The following VPS13D variants were observed in gnomAD, a reference collection of about 807,000 sequenced individuals.
VPS13D encodes vacuolar protein sorting 13 homolog D.
VPS13D carries 187 observed loss-of-function variants against 461.9 expected under a neutral mutation model. That is an observed-to-expected ratio of 0.40 (90% CI 0.36 to 0.46). VPS13D has a LOEUF of 0.46. Among genes scored for constraint, VPS13D ranks in the 20% least tolerant of loss-of-function variants. The pLI is 0.60. For synonymous variants in VPS13D, 1,951 were observed against 1,986.3 expected (o/e 0.98, Z 0.47); for missense variants, 4,711 against 5,364.9 (o/e 0.88, Z 3.81).
In VPS13D at chr1:12,249,288, T is replaced by C; in HGVS notation, c.513T>C (p.Ala171=). Residue 171 remains alanine, a synonymous_variant, in exon 6 of 70, where the codon GCT becomes GCC. Coordinates refer to ENST00000620676, the MANE Select transcript of VPS13D (RefSeq NM_015378.4). The part of the protein sequence containing the change: ...DGVTNPSHPF[A]FGICIKNVSM... ...TCACCAATCCCTCCCATCCTTTTGC[T>C]TTTGGCATCTGCATTAAGAATGTGT... 1.2e-6 allele frequency: 2 copies of C among 1,614,112 alleles called. No homozygotes were observed. The highest frequency in any genetic ancestry group is 1.7e-6 in the Non-Finnish European group (2 of 1,180,008).
At position 12,505,718 on chromosome 1, in the gene VPS13D, G is replaced by A. The variant is rs552680333; in HGVS notation, c.12795-1135G>A. Among the ~76,000 whole-genome samples, 47 of 152,394 alleles carry A rather than the reference G, an allele frequency of 3.1e-4. No homozygotes were observed. The highest frequency in any genetic ancestry group is 1.1e-3 in the African/African-American group (46 of 41,592). On this transcript the variant is annotated intron_variant, in intron 68 of 69. Transcript: ENST00000620676. The surrounding 1 kb of genome is among the most constrained non-coding windows in gnomAD (Gnocchi z 4.2). ...TCACAATTAAATGCTCAAAAGTGGA[G>A]GAGGGGCTGGAGTATGTGGGGGATG...
chr1:12,338,414 C>T lies in VPS13D; in HGVS notation c.8626+109C>T, dbSNP rs771650452. 1.1e-4 allele frequency: 100 copies of T among 899,134 alleles called. 1 individual carries two copies. The highest frequency in any genetic ancestry group is 2.3e-4 in the Middle Eastern group (1 of 4,318). The allele number at this position is 899,134 out of a possible 1,614,324, so 55.7% of individuals were successfully genotyped here. A position where few individuals can be genotyped will look rare whatever the true frequency, so the allele number is the denominator to read the frequency against. ...GAGTTGAATTGGGGGTATTCCATGTCGTGAGTACTTTAGTAATAGGAAAGA... is the reference window on the plus strand; with the variant it reads ...GAGTTGAATTGGGGGTATTCCATGTTGTGAGTACTTTAGTAATAGGAAAGA... On this transcript the variant is annotated intron_variant, in intron 40 of 69. Transcript: ENST00000620676.
rs58476786 is a variant in VPS13D at position 12,395,996 on chromosome 1, GATATATATAT to G, written c.11635-4161_11635-4152del. Among the ~76,000 whole-genome samples, 174 of 73,772 alleles carry G rather than the reference GATATATATAT, an allele frequency of 2.4e-3. 3 individuals are homozygous for G. The highest frequency in any genetic ancestry group is 4.1e-3 in the African/African-American group (59 of 14,548). The allele number at this position is 73,772 out of a possible 152,430, so 48.4% of individuals were successfully genotyped here. On this transcript the variant is annotated intron_variant, in intron 60 of 69. Transcript: ENST00000620676. ...TCTTAGAGGGATAGAACTAATAGGA[GATATATATAT>G]ATATATATATATATATATATATAGT...
At chr1:12,412,717 T>A (rs149092647) in intron 63 of VPS13D, among the ~76,000 whole-genome samples, 2,884 of 152,308 alleles carry the variant, frequency 0.019, 108 homozygotes, top group Admixed American at 0.099. Flanking sequence ...AACGTGGGAA[T>A]ATCTTTATGA....
chr1:12,379,618 A>G (rs768688635), intron 57 of VPS13D, 22 bp downstream of exon 57: 9 of 1,581,904 alleles, frequency 5.7e-6, no homozygotes, highest in South Asian at 2.2e-5. Flanking sequence ...TTGATCCCCA[A>G]TTGCAGCAAG....
intron 24 of VPS13D, among the ~76,000 whole-genome samples, chr1:12,294,067 C>T (rs928500905): frequency 2.6e-5 from 4 of 152,148 alleles, no homozygotes; most frequent in Non-Finnish European, 4.4e-5. Context: ...TCGTGGCCCC[C>T]GTGGGGTCCT....
chr1:12,374,214 G>A (rs1644164835), intron 55 of VPS13D, among the ~76,000 whole-genome samples: 1 of 152,168 alleles, frequency 6.6e-6, no homozygotes, highest in Non-Finnish European at 1.5e-5. Context: ...AACATTTTCA[G>A]TTATTATTTC....
chr1:12,485,223 G>A (rs568300320), intron 67 of VPS13D, among the ~76,000 whole-genome samples: 2 of 152,302 alleles, frequency 1.3e-5, no homozygotes, highest in African/African-American at 4.8e-5. Context: ...GCATGGGCCC[G>A]GCTTCAGCAA....
In VPS13D at chr1:12,349,546, G is replaced by T. The variant is rs72868208; in HGVS notation, c.9431+172G>T. Among the ~76,000 whole-genome samples the T allele has an allele frequency of 0.059, 8,943 of 152,038 alleles. 400 individuals are homozygous for T. Among genetic ancestry groups the T allele is most frequent in the Admixed American group, 0.12 (1,801 of 15,278 alleles). On this transcript the variant is annotated intron_variant, in intron 46 of 69. Transcript: ENST00000620676. ...AGTTCATGAGAACTCAAGTGCTAAC[G>T]GTTGGTGGGGTCTGGGGAGGCTTTA...
intron 9 of VPS13D, 98 bp downstream of exon 9, chr1:12,257,185 T>A: frequency 9.2e-7 from 1 of 1,090,012 alleles, no homozygotes; most frequent in Non-Finnish European, 1.4e-6. Context: ...TACCCATGTT[T>A]GGAGATAAAA....
intron 24 of VPS13D, among the ~76,000 whole-genome samples, chr1:12,296,131 T>C (rs896231106): frequency 3.9e-5 from 6 of 152,218 alleles, no homozygotes; most frequent in Non-Finnish European, 8.8e-5. Flanking sequence ...TCTTATGTAC[T>C]GTGAGTCCTG....
chr1:12,433,166 G>A (rs1034423292), intron 65 of VPS13D, among the ~76,000 whole-genome samples: 6 of 152,132 alleles, frequency 3.9e-5, no homozygotes, highest in Non-Finnish European at 8.8e-5. Context: ...GGCTGTAACT[G>A]TCAGGCTGAC....
intron 60 of VPS13D, among the ~76,000 whole-genome samples, chr1:12,395,029 C>T (rs893311059): frequency 6.6e-6 from 1 of 152,136 alleles, no homozygotes; most frequent in African/African-American, 2.4e-5. Context: ...TACACCTCCT[C>T]GTGAGTCACA....
At chr1:12,303,393 C>T (rs565541785) in intron 25 of VPS13D, among the ~76,000 whole-genome samples, 1 of 152,210 alleles carries the variant, frequency 6.6e-6, no homozygotes, top group African/African-American at 2.4e-5. Flanking sequence ...TCTTCTCAAG[C>T]CACTGATTTA....
At chr1:12,244,123 T>G in intron 3 of VPS13D, 123 bp from the exon 4 acceptor site, 3 of 981,450 alleles carry the variant, frequency 3.1e-6, no homozygotes, top group Non-Finnish European at 4.4e-6. Flanking sequence ...TGCCTGTTGT[T>G]TTAAATAAAA....
Position 12,477,175 on chromosome 1 carries a change from A to G in VPS13D, c.12662+16779A>G, listed in dbSNP as rs2100469305. Among the ~76,000 whole-genome samples, 2 of 152,352 alleles carry G rather than the reference A, an allele frequency of 1.3e-5. 1 individual carries two copies. The highest frequency in any genetic ancestry group is 4.1e-4 in the South Asian group (2 of 4,826). ...GACAAAACTGACCAGAAAAACACGT[A>G]TCAAGTCAGCAGTGGCTCACCCCTC... On this transcript the variant is annotated intron_variant, in intron 67 of 69. Coordinates refer to ENST00000620676, the MANE Select transcript of VPS13D (RefSeq NM_015378.4).
Position 12,277,940 on chromosome 1 carries a change from G to T in VPS13D, c.4352G>T (p.Arg1451Leu), listed in dbSNP as rs774147029. The T allele has an allele frequency of 1.2e-6, 2 of 1,614,170 alleles. No homozygotes were observed. The highest frequency in any genetic ancestry group is 1.3e-5 in the African/African-American group (1 of 75,032). ...GREAVGSEGS[R>L]MFCPPSGSGS... ...GAAGCTGTTGGGTCTGAAGGAAGCCGGATGTTTTGCCCACCTTCCGGGTCT... is the reference window on the plus strand; with the variant it reads ...GAAGCTGTTGGGTCTGAAGGAAGCCTGATGTTTTGCCCACCTTCCGGGTCT... The change falls in exon 19 of 70, where the codon CGG becomes CTG. Residue 1451 changes from arginine to leucine, a missense_variant. Around this residue, in one of 3 missense-constraint regions of VPS13D, gnomAD observed 4,411 missense variants for 4,937.8 expected, o/e 0.89. Transcript: ENST00000620676.
rs191360649 is a variant in VPS13D, at chr1:12,365,498, G to A, written c.10448+2251G>A. On this transcript the variant is annotated intron_variant, in intron 52 of 69. Transcript: ENST00000620676. Reference sequence around the variant, plus strand: ...AGGTGGGCGGATCACGAGGTCAGGAGTTCCAGACCAGTCTGACCAACATGG... The same window carrying A: ...AGGTGGGCGGATCACGAGGTCAGGAATTCCAGACCAGTCTGACCAACATGG... Among the ~76,000 whole-genome samples, 63 of 152,270 alleles carry A rather than the reference G, an allele frequency of 4.1e-4. 1 individual carries two copies. The highest frequency in any genetic ancestry group is 4.1e-3 in the Admixed American group (63 of 15,296).
Position 12,283,536 on chromosome 1 carries a change from G to A in VPS13D, c.5434G>A (p.Val1812Ile). 2.5e-6 allele frequency: 4 copies of A among 1,614,200 alleles called. No homozygotes were observed. Among genetic ancestry groups the A allele is most frequent in the Non-Finnish European group, 3.4e-6 (4 of 1,180,032 alleles). ...SYNRVNRSID[V>I]DFNCLDVLIT... is the part of the protein sequence containing the mutation. ...CAATCGAGTTAACCGGAGCATTGAT[G>A]TTGATTTTAATTGCTTGGATGTGCT... Residue 1812 changes from valine to isoleucine, a missense_variant, in exon 21 of 70, where the codon GTT (valine) becomes ATT (isoleucine). By Grantham distance (29) the Val-to-Ile change is conservative. Coordinates refer to ENST00000620676, the MANE Select transcript of VPS13D (RefSeq NM_015378.4).
Sources: gnomAD v4.1 joint callset for allele counts (sites outside exome capture counted in the v4.1 genomes callset) on GRCh38, gnomAD v4.1.1 for gene constraint, gnomAD v4.1.1 regional missense constraint, Gnocchi (gnomAD v3.1) non-coding constraint, MANE v1.5 for transcripts, NCBI Gene and HGNC (gene_info 2026-07-23, HGNC 2026-07-21) for gene names.